SMIM3: variants seen among roughly 807,000 people sequenced by gnomAD.
SMIM3 encodes the protein NGF-induced differentiation clone 67 protein.
A neutral mutation model predicts 2.1 loss-of-function variants in SMIM3; 4 were observed. That is an observed-to-expected ratio of 1.89 (90% confidence interval 0.93 to 4.31). SMIM3 has a LOEUF of 4.31. Among genes scored for constraint, SMIM3 ranks in the 30% most tolerant of loss-of-function variants. SMIM3 has a pLI of 0.01. For missense variants in SMIM3, 79 were observed against 77.7 expected (o/e 1.02, Z -0.06); for synonymous variants, 29 against 30.8 (o/e 0.94, Z 0.19).
At chr5:150,791,314 T>A (rs929554478) in intron 1 of SMIM3, among the ~76,000 whole-genome samples, 1 of 152,186 alleles carries the variant, frequency 6.6e-6, no homozygotes, top group Non-Finnish European at 1.5e-5. Flanking sequence ...TCCTCTTAAA[T>A]GACTAATAAA....
chr5:150,790,185 T>C (rs1753336058), intron 1 of SMIM3, among the ~76,000 whole-genome samples: 2 of 152,162 alleles, frequency 1.3e-5, no homozygotes, highest in Non-Finnish European at 2.9e-5. Context: ...ATTCTAGCTT[T>C]AATGTTCCAG....
chr5:150,786,271 T>G (rs1376636180), intron 1 of SMIM3, among the ~76,000 whole-genome samples: 1 of 152,144 alleles, frequency 6.6e-6, no homozygotes, highest in Admixed American at 6.6e-5. Context: ...AGTTTTAGAA[T>G]TTTTATTTGG....
chr5:150,785,267 T>C (rs1273585942), intron 1 of SMIM3, among the ~76,000 whole-genome samples: 1 of 151,914 alleles, frequency 6.6e-6, no homozygotes, highest in Non-Finnish European at 1.5e-5. Flanking sequence ...TTTGTATTTT[T>C]AGTAGAGACA....
chr5:150,795,820 G>A lies in SMIM3; in HGVS notation c.*197G>A. The A allele has an allele frequency of 1.6e-6, 1 of 609,282 alleles. No individual in the cohort carries two copies. The highest frequency in any genetic ancestry group is 2.9e-6 in the Non-Finnish European group (1 of 349,502). The allele number at this position is 609,282 out of a possible 1,614,324, so 37.7% of individuals were successfully genotyped here. A position where few individuals can be genotyped will look rare whatever the true frequency, so the allele number is the denominator to read the frequency against. On this transcript the variant is annotated 3_prime_UTR_variant, in exon 2 of 2. Transcript: ENST00000526627. ...TCCAGGTTCCTTATCTTTCAAATGG[G>A]GATGGTGATCCCTGCCCTTTCTACC...
chr5:150,789,672 C>T (rs1250045029), intron 1 of SMIM3, among the ~76,000 whole-genome samples: 1 of 152,088 alleles, frequency 6.6e-6, no homozygotes, highest in African/African-American at 2.4e-5. Flanking sequence ...AGCAGGCATG[C>T]CAAAGGACAG....
At chr5:150,781,989 C>T (rs994979040) in intron 1 of SMIM3, among the ~76,000 whole-genome samples, 10 of 152,168 alleles carry the variant, frequency 6.6e-5, no homozygotes, top group Non-Finnish European at 4.4e-5. Context: ...GGCTGTGTTC[C>T]GATCTCTTTG....
chr5:150,784,762 C>CG (rs1753272639), intron 1 of SMIM3, among the ~76,000 whole-genome samples: 1 of 152,090 alleles, frequency 6.6e-6, no homozygotes, highest in African/African-American at 2.4e-5. Flanking sequence ...TGTACCCTAA[C>CG]GGTCCTTGTT....
chr5:150,780,743 G>A (rs189566114), intron 1 of SMIM3, among the ~76,000 whole-genome samples: 8 of 152,090 alleles, frequency 5.3e-5, no homozygotes, highest in South Asian at 2.1e-4. Context: ...TCCTTTAAAC[G>A]TTGTGCCTCC....
chr5:150,795,221 T>G (rs1753389781), intron 1 of SMIM3, among the ~76,000 whole-genome samples: 1 of 152,222 alleles, frequency 6.6e-6, no homozygotes, highest in Non-Finnish European at 1.5e-5. Context: ...AAGTAAGGAC[T>G]GAATGTGTTA....
intron 1 of SMIM3, among the ~76,000 whole-genome samples, chr5:150,794,660 C>G (rs924509575): frequency 2.0e-5 from 3 of 152,072 alleles, no homozygotes; most frequent in Admixed American, 6.5e-5. Flanking sequence ...ACTTTGGTGA[C>G]TTGGGGGGAA....
chr5:150,783,981 T>C (rs57501073), intron 1 of SMIM3, among the ~76,000 whole-genome samples: 33,840 of 147,646 alleles, frequency 0.23, 8,845 homozygotes, highest in African/African-American at 0.65. Flanking sequence ...AGCAGTGGTG[T>C]GATCTTGGCT....
intron 1 of SMIM3, among the ~76,000 whole-genome samples, chr5:150,791,415 C>T (rs901549623): frequency 3.9e-5 from 6 of 152,050 alleles, no homozygotes; most frequent in South Asian, 2.1e-4. Flanking sequence ...ATTCCCCCGA[C>T]CTTCCAGCCT....
In SMIM3 at chr5:150,795,926, G is replaced by A. The variant is rs1487414327; in HGVS notation, c.*303G>A. 2 of 359,336 alleles carry A rather than the reference G, an allele frequency of 5.6e-6. No homozygotes were observed. The highest frequency in any genetic ancestry group is 1.0e-5 in the Non-Finnish European group (2 of 191,662). 22.3% of individuals were successfully genotyped at this position (359,336 alleles called of 1,614,324 possible). The stretch of plus-strand genomic sequence containing the variant: ...GTAAAGCTACCACAGATATAAGGGT[G>A]TTATGCTGAATCCTGAGAAGCTTTC... On this transcript the variant is annotated 3_prime_UTR_variant, in exon 2 of 2. Transcript: ENST00000526627.
rs1753400053 is a variant in SMIM3, at chr5:150,795,901, G to A, written c.*278G>A. 1 of 457,280 alleles carries A rather than the reference G, an allele frequency of 2.2e-6. No individual in the cohort carries two copies. The highest frequency in any genetic ancestry group is 4.0e-6 in the Non-Finnish European group (1 of 248,880). The allele number at this position is 457,280 out of a possible 1,614,324, so 28.3% of individuals were successfully genotyped here. On this transcript the variant is annotated 3_prime_UTR_variant, in exon 2 of 2. Coordinates refer to ENST00000526627, the MANE Select transcript of SMIM3 (RefSeq NM_032947.5). ...TGGATGTGAAAGCTGTTTGTGATCA[G>A]TAAAGCTACCACAGATATAAGGGTG...
intron 1 of SMIM3, among the ~76,000 whole-genome samples, chr5:150,795,150 G>C (rs1456710370): frequency 1.3e-5 from 2 of 152,118 alleles, no homozygotes; most frequent in African/African-American, 2.4e-5. Flanking sequence ...TGTAACAGAA[G>C]GTAAAGGCCA....
intron 1 of SMIM3, among the ~76,000 whole-genome samples, chr5:150,792,934 T>C (rs1053881980): frequency 6.6e-5 from 10 of 152,192 alleles, no homozygotes; most frequent in African/African-American, 2.4e-4. Context: ...TCCAATATTA[T>C]TCCAAAGTTT....
At position 150,795,945 on chromosome 5, in the gene SMIM3, A is replaced by T. The variant is rs1283281745; in HGVS notation, c.*322A>T. 3.4e-6 allele frequency: 1 copy of T among 295,260 alleles called. No individual in the cohort carries two copies. The highest frequency in any genetic ancestry group is 6.5e-6 in the Non-Finnish European group (1 of 154,020). 18.3% of individuals were successfully genotyped at this position (295,260 alleles called of 1,614,324 possible). On this transcript the variant is annotated 3_prime_UTR_variant, in exon 2 of 2. Coordinates refer to ENST00000526627, the MANE Select transcript of SMIM3 (RefSeq NM_032947.5). ...AAGGGTGTTATGCTGAATCCTGAGA[A>T]GCTTTCAAGAACCAGAGAACCTGAT...
chr5:150,789,106 T>C (rs925103608), intron 1 of SMIM3, among the ~76,000 whole-genome samples: 3 of 152,166 alleles, frequency 2.0e-5, no homozygotes, highest in African/African-American at 7.2e-5. Flanking sequence ...GTGACATAAA[T>C]GGTTTGGGCC....
At chr5:150,789,674 A>G (rs1480773694) in intron 1 of SMIM3, among the ~76,000 whole-genome samples, 1 of 152,234 alleles carries the variant, frequency 6.6e-6, no homozygotes, top group Admixed American at 6.5e-5. Context: ...CAGGCATGCC[A>G]AAGGACAGCT....
Sources: allele counts gnomAD v4.1 joint callset (sites outside exome capture counted in the v4.1 genomes callset), GRCh38; gene constraint gnomAD v4.1.1; transcripts MANE v1.5; gene names NCBI Gene and HGNC (gene_info 2026-07-23, HGNC 2026-07-21).